The following SPRY3 variants were observed in gnomAD, a reference collection of about 807,000 sequenced individuals.
SPRY3 encodes protein sprouty homolog 3.
A neutral mutation model predicts 20.2 loss-of-function variants in SPRY3; 15 were observed. That is an observed-to-expected ratio of 0.74 (90% CI 0.50 to 1.14). The LOEUF is 1.14. SPRY3 is among the 50% of genes most tolerant of loss of function. The pLI is 0.00. For missense variants in SPRY3, 364 were observed against 363.9 expected (o/e 1.00, Z 0.00); for synonymous variants, 143 against 136.5 (o/e 1.05, Z -0.33).
intron 1 of SPRY3, among the ~76,000 whole-genome samples, chrX:155,613,390 C>A (rs912070394): frequency 9.0e-6 from 1 of 110,928 alleles, no homozygotes; most frequent in Non-Finnish European, 1.9e-5. Context: ...GGAATGAACA[C>A]CTTATGCAGG....
In SPRY3 at chrX:155,717,430, G is replaced by T. The variant is rs139045894; in HGVS notation, c.-281-50532G>T. Among the ~76,000 whole-genome samples, 84 of 152,174 alleles carry T rather than the reference G, an allele frequency of 5.5e-4. 2 individuals are homozygous for T. In the East Asian group the frequency reaches 0.015, roughly 27 times the overall value. On this transcript the variant is annotated intron_variant, in intron 2 of 3. Transcript: ENST00000675360. ...ATACTTTAAGTTCTGGGATACACGTGCAGAACATGCAGGTTTGTTACATAG... is the reference window on the plus strand; with the variant it reads ...ATACTTTAAGTTCTGGGATACACGTTCAGAACATGCAGGTTTGTTACATAG...
chrX:155,713,671 G>C (rs1043774204), intron 2 of SPRY3, among the ~76,000 whole-genome samples: 8 of 151,990 alleles, frequency 5.3e-5, no homozygotes, highest in African/African-American at 1.9e-4. Context: ...AATGCCTTGA[G>C]GTAGTCTTTG....
intron 2 of SPRY3, among the ~76,000 whole-genome samples, chrX:155,744,835 C>T (rs972721815): frequency 1.3e-5 from 2 of 151,964 alleles, no homozygotes; most frequent in Non-Finnish European, 2.9e-5. Flanking sequence ...AGCAGATTTT[C>T]CAGGTAATGC....
chrX:155,766,761 G>A (rs1417958311), intron 2 of SPRY3, among the ~76,000 whole-genome samples: 10 of 152,162 alleles, frequency 6.6e-5, no homozygotes, highest in Admixed American at 6.5e-4. Flanking sequence ...GTCCCAGGGA[G>A]GCTGCATGAA....
At chrX:155,636,136 G>C (rs1242543122) in intron 1 of SPRY3, among the ~76,000 whole-genome samples, 4 of 111,548 alleles carry the variant, frequency 3.6e-5, no homozygotes, top group Non-Finnish European at 5.6e-5. Context: ...CATTGAATTG[G>C]AAGTTGAGAC....
chrX:155,623,488 T>C lies in SPRY3; in HGVS notation c.-441+10841T>C, dbSNP rs782269651. 1.1e-4 allele frequency among the ~76,000 whole-genome samples: 12 copies of C among 112,161 alleles called. No homozygotes were observed. In the East Asian group the frequency reaches 2.8e-3, roughly 26 times the overall value. ...AGAGAAAAAGGAACTTTATGCACTT[T>C]TTATTGAACTTGTTTTGATTTAGTT... On this transcript the variant is annotated intron_variant, in intron 1 of 3. Transcript: ENST00000675360.
intron 2 of SPRY3, among the ~76,000 whole-genome samples, chrX:155,704,669 C>T (rs1052577048): frequency 1.3e-5 from 2 of 151,480 alleles, no homozygotes; most frequent in Non-Finnish European, 3.0e-5. Context: ...CATACCCAAG[C>T]TCAGAGTGCA....
chrX:155,726,573 A>G (rs1194207277), intron 2 of SPRY3, among the ~76,000 whole-genome samples: 2 of 152,064 alleles, frequency 1.3e-5, no homozygotes, highest in African/African-American at 4.8e-5. Flanking sequence ...CCATTATGTA[A>G]TGGCCTTCTT....
At chrX:155,729,875 C>T (rs1461905057) in intron 2 of SPRY3, among the ~76,000 whole-genome samples, 4 of 151,894 alleles carry the variant, frequency 2.6e-5, no homozygotes, top group Non-Finnish European at 5.9e-5. Flanking sequence ...AAGGAAATAT[C>T]ACAACCAATA....
intron 1 of SPRY3, among the ~76,000 whole-genome samples, chrX:155,640,103 T>C (rs1179128930): frequency 7.2e-5 from 8 of 111,640 alleles, no homozygotes; most frequent in African/African-American, 2.6e-4. Flanking sequence ...TATATACAGT[T>C]GACTTTCAGA....
At chrX:155,698,036 G>A (rs1272841951) in intron 2 of SPRY3, among the ~76,000 whole-genome samples, 2 of 110,899 alleles carry the variant, frequency 1.8e-5, no homozygotes, top group Non-Finnish European at 3.8e-5. Context: ...TTAGCAGCCT[G>A]ACAATGTCAC....
chrX:155,640,692 G>A (rs2067937641), intron 1 of SPRY3, among the ~76,000 whole-genome samples: 2 of 111,525 alleles, frequency 1.8e-5, no homozygotes, highest in African/African-American at 6.5e-5. Context: ...TGTAGCTATT[G>A]TAAATGGGAT....
At chrX:155,647,453 C>T (rs2067961513) in intron 1 of SPRY3, among the ~76,000 whole-genome samples, 1 of 110,401 alleles carries the variant, frequency 9.1e-6, no homozygotes, top group Non-Finnish European at 1.9e-5. Flanking sequence ...GCTATCCCTC[C>T]CCTTGCCCCC....
intron 3 of SPRY3, among the ~76,000 whole-genome samples, chrX:155,773,307 GATATATATATATAT>G (rs1556238552): frequency 5.8e-5 from 7 of 120,740 alleles, no homozygotes; most frequent in Non-Finnish European, 1.0e-4. Flanking sequence ...ATTTTGATTG[GATATATATATATAT>G]ATATATATAT....
intron 1 of SPRY3, among the ~76,000 whole-genome samples, chrX:155,633,613 T>TTA (rs2067914225): frequency 9.0e-6 from 1 of 111,045 alleles, no homozygotes; most frequent in Non-Finnish European, 1.9e-5. Context: ...TTGATGTTAA[T>TTA]TTCTGAGAAC....
intron 2 of SPRY3, among the ~76,000 whole-genome samples, chrX:155,669,451 TTC>T (rs1404181641): frequency 2.7e-5 from 3 of 111,071 alleles, no homozygotes; most frequent in Admixed American, 9.7e-5. Flanking sequence ...TCCCAAATCA[TTC>T]TGTGAGTATA....
chrX:155,655,991 T>A (rs1045394782), intron 1 of SPRY3, among the ~76,000 whole-genome samples: 2 of 112,344 alleles, frequency 1.8e-5, no homozygotes, highest in Non-Finnish European at 3.8e-5. Flanking sequence ...GGCTTCCCTA[T>A]GTAGGTAACC....
chrX:155,686,829 A>C (rs977867681), intron 2 of SPRY3, among the ~76,000 whole-genome samples: 1 of 112,017 alleles, frequency 8.9e-6, no homozygotes, highest in African/African-American at 3.2e-5. Flanking sequence ...GCATACTTTC[A>C]TTGCCAGGCT....
intron 2 of SPRY3, among the ~76,000 whole-genome samples, chrX:155,687,059 T>G (rs1465922414): frequency 8.9e-6 from 1 of 112,923 alleles, no homozygotes; most frequent in African/African-American, 3.2e-5. Context: ...TCATAATATA[T>G]CTGCTATTTA....
Sources: allele counts gnomAD v4.1 joint callset (sites outside exome capture counted in the v4.1 genomes callset), GRCh38; gene constraint gnomAD v4.1.1; transcripts MANE v1.5; gene names NCBI Gene and HGNC (gene_info 2026-07-23, HGNC 2026-07-21).